ARK2C: variants seen among roughly 807,000 people sequenced by gnomAD.
ARK2C encodes E3 ubiquitin-protein ligase ARK2C.
chr18:46,340,739 T>C, the ARK2C span, among the ~76,000 whole-genome samples: 1 of 152,226 alleles, frequency 6.6e-6, no homozygotes, highest in African/African-American at 2.4e-5. Flanking sequence ...AGGCTATGTC[T>C]AAGCTGTTAC....
chr18:46,400,491 C>T, the ARK2C span, among the ~76,000 whole-genome samples: 11 of 152,252 alleles, frequency 7.2e-5, no homozygotes, highest in African/African-American at 1.2e-4. Context: ...CAGTCTGTAA[C>T]GGGCAGTTCG....
chr18:46,449,319 G>A, the ARK2C span, among the ~76,000 whole-genome samples: 1 of 152,092 alleles, frequency 6.6e-6, no homozygotes, highest in African/African-American at 2.4e-5. Context: ...TTAAAATATT[G>A]ATATTTTGCT....
chr18:46,347,662 G>C, the ARK2C span, among the ~76,000 whole-genome samples: 1 of 152,124 alleles, frequency 6.6e-6, no homozygotes, highest in African/African-American at 2.4e-5. Context: ...GCACAGAGTA[G>C]GGGCTACACT....
At chr18:46,412,681 G>A in the ARK2C span, among the ~76,000 whole-genome samples, 2 of 152,162 alleles carry the variant, frequency 1.3e-5, no homozygotes, top group Admixed American at 6.5e-5. Context: ...TGGTCAGGCC[G>A]GAAGGGAATT....
chr18:46,434,090 A>G, the ARK2C span, among the ~76,000 whole-genome samples: 1 of 152,198 alleles, frequency 6.6e-6, no homozygotes, highest in African/African-American at 2.4e-5. Context: ...GAAATTAGAC[A>G]ATTCTAATCA....
chr18:46,350,265 G>A, the ARK2C span, among the ~76,000 whole-genome samples: 5 of 152,190 alleles, frequency 3.3e-5, no homozygotes, highest in East Asian at 1.9e-4. Flanking sequence ...ATGCGTATGC[G>A]TGTGTCCACA....
At chr18:46,368,088 G>T in the ARK2C span, among the ~76,000 whole-genome samples, 1 of 152,180 alleles carries the variant, frequency 6.6e-6, no homozygotes, top group Non-Finnish European at 1.5e-5. Flanking sequence ...CTCCACGTGG[G>T]TAATTGTGAT....
At chr18:46,372,202 C>T in the ARK2C span, among the ~76,000 whole-genome samples, 3 of 152,300 alleles carry the variant, frequency 2.0e-5, no homozygotes, top group African/African-American at 4.8e-5. Flanking sequence ...CTGAAGGGTC[C>T]TCCCTGGGGC....
the ARK2C span, among the ~76,000 whole-genome samples, chr18:46,338,647 C>T: frequency 6.6e-6 from 1 of 152,060 alleles, no homozygotes; most frequent in African/African-American, 2.4e-5. Context: ...CTGGAGAAGC[C>T]AGTGGAGAGG....
chr18:46,385,305 C>T, the ARK2C span, among the ~76,000 whole-genome samples: 9 of 152,132 alleles, frequency 5.9e-5, no homozygotes, highest in Non-Finnish European at 1.2e-4. Flanking sequence ...AAAGTGGTGG[C>T]TTGTGAGGAC....
At chr18:46,390,471 G>T in the ARK2C span, among the ~76,000 whole-genome samples, 4 of 152,192 alleles carry the variant, frequency 2.6e-5, no homozygotes, top group Admixed American at 2.0e-4. Context: ...CTGCTTCTAT[G>T]TCTTCGGGTA....
chr18:46,433,204 A>AG, the ARK2C span: 1 of 1,582,490 alleles, frequency 6.3e-7, no homozygotes, highest in Non-Finnish European at 8.6e-7. Context: ...CCCCTTTCAA[A>AG]GGTCTCAGCA....
At chr18:46,443,763 T>C in the ARK2C span, among the ~76,000 whole-genome samples, 4 of 152,208 alleles carry the variant, frequency 2.6e-5, no homozygotes, top group Non-Finnish European at 4.4e-5. Flanking sequence ...AATCTCTGCT[T>C]TAAACAGTCA....
At chr18:46,337,007 T>C in the ARK2C span, 3 of 985,458 alleles carry the variant, frequency 3.0e-6, no homozygotes, top group East Asian at 1.1e-4. Flanking sequence ...AATTGTACAA[T>C]GTCAAGAGCA....
the ARK2C span, among the ~76,000 whole-genome samples, chr18:46,442,243 T>C: frequency 6.6e-6 from 1 of 152,226 alleles, no homozygotes; most frequent in African/African-American, 2.4e-5. Flanking sequence ...CACTGATTTC[T>C]GATCTTGATT....
the ARK2C span, among the ~76,000 whole-genome samples, chr18:46,401,088 G>C: frequency 6.6e-6 from 1 of 152,122 alleles, no homozygotes; most frequent in Non-Finnish European, 1.5e-5. Flanking sequence ...AGAGACACAG[G>C]GACGTGGGAC....
At chr18:46,454,439 T>C in the ARK2C span, among the ~76,000 whole-genome samples, 1 of 152,158 alleles carries the variant, frequency 6.6e-6, no homozygotes, top group Non-Finnish European at 1.5e-5. Flanking sequence ...TACGGGACTA[T>C]GGATGTAATT....
chr18:46,393,853 A>G, the ARK2C span, among the ~76,000 whole-genome samples: 42 of 152,342 alleles, frequency 2.8e-4, no homozygotes, highest in Non-Finnish European at 4.9e-4. Context: ...CCTGGGTTCA[A>G]ATCTTGCCTC....
the ARK2C span, among the ~76,000 whole-genome samples, chr18:46,418,223 C>T: frequency 2.0e-5 from 3 of 151,704 alleles, no homozygotes; most frequent in African/African-American, 7.3e-5. Context: ...TTTGTGTGGT[C>T]GCACATGCCC....
Sources: allele counts gnomAD v4.1 joint callset (sites outside exome capture counted in the v4.1 genomes callset), GRCh38; gene constraint gnomAD v4.1.1; transcripts MANE v1.5; gene names NCBI Gene and HGNC (gene_info 2026-07-23, HGNC 2026-07-21).